Variants in IFT52 observed in about 807,000 individuals in gnomAD.
IFT52 encodes the protein intraflagellar transport protein 52 homolog.
In IFT52, 44 loss-of-function variants were observed where a neutral mutation model predicts 54.4. That is an observed-to-expected ratio of 0.81 (90% CI 0.63 to 1.04). The LOEUF (loss-of-function observed/expected upper bound fraction) is 1.04. IFT52 is among the 50% of genes least tolerant of loss of function. The probability of loss-of-function intolerance (pLI) is 0.00; values close to 1 mark genes in which losing one functional copy is unlikely to be tolerated. For missense variants in IFT52, 452 were observed against 523.6 expected, an observed-to-expected ratio of 0.86 and a Z score of 1.33; for synonymous variants, 181 against 185.3, an observed-to-expected ratio of 0.98 and a Z score of 0.19.
intron 6 of IFT52, 132 bp from the exon 7 acceptor site, chr20:43,613,718 C>T: frequency 2.4e-6 from 2 of 839,252 alleles, no homozygotes; most frequent in Non-Finnish European, 3.8e-6. Flanking sequence ...GATCGCACCA[C>T]TGCACTGCAG....
At chr20:43,607,251 C>T (rs1264885817) in intron 6 of IFT52, among the ~76,000 whole-genome samples, 28 of 146,182 alleles carry the variant, frequency 1.9e-4, no homozygotes, top group Admixed American at 4.1e-4. Flanking sequence ...GGCGGCTGGC[C>T]GGGCGGGGGG....
At chr20:43,617,302 C>T (rs966797221) in intron 7 of IFT52, among the ~76,000 whole-genome samples, 1 of 152,234 alleles carries the variant, frequency 6.6e-6, no homozygotes, top group Middle Eastern at 3.4e-3. Flanking sequence ...ATTCGACTAG[C>T]GCTGTTTATA....
rs1241073036 is a variant in IFT52, at chr20:43,624,136, A to G, written c.923+91A>G. On this transcript the variant is annotated intron_variant, in intron 10 of 13. Transcript: ENST00000373030. ...ACCTGGGAACGGGAATTAGGGTCACAGTAAATGTGGCATGCAGAACATGTT... is the reference window on the plus strand; with the variant it reads ...ACCTGGGAACGGGAATTAGGGTCACGGTAAATGTGGCATGCAGAACATGTT... The G allele has an allele frequency of 9.0e-6, 12 of 1,333,082 alleles. No homozygotes were observed. The East Asian group carries it at 1.6e-4, about 18-fold the overall frequency. 82.6% of individuals were successfully genotyped at this position (1,333,082 alleles called of 1,614,324 possible).
At chr20:43,626,022 GAAAAA>G (rs11403788) in intron 10 of IFT52, among the ~76,000 whole-genome samples, 5 of 96,688 alleles carry the variant, frequency 5.2e-5, no homozygotes, top group Non-Finnish European at 9.6e-5. Flanking sequence ...CTTGTCTCCG[GAAAAA>G]AAAAAAAAAA....
At chr20:43,640,980 G>T (rs191598990) in intron 12 of IFT52, among the ~76,000 whole-genome samples, 173 of 141,168 alleles carry the variant, frequency 1.2e-3, no homozygotes, top group Non-Finnish European at 1.8e-3. Context: ...GCAGTGAGCT[G>T]AAATCATGCC....
Position 43,635,926 on chromosome 20 carries a change from G to A in IFT52, c.924G>A (p.Glu308=), listed in dbSNP as rs1291959112. 1.2e-6 allele frequency: 2 copies of A among 1,613,850 alleles called. No homozygotes were observed. The highest frequency in any genetic ancestry group is 2.2e-5 in the East Asian group (1 of 44,886). ...LDTTSFHSVI[E]AHEQLNVKHE... ...CTTTTTTGTTTGATTATGAACACAGGGCTCACGAGCAGCTAAATGTGAAAC... is the reference window on the plus strand; with the variant it reads ...CTTTTTTGTTTGATTATGAACACAGAGCTCACGAGCAGCTAAATGTGAAAC... Residue 308 remains glutamate (E), a splice_region_variant and synonymous_variant, in exon 11 of 14, where the codon GAG becomes GAA. Transcript: ENST00000373030.
At chr20:43,611,214 C>G (rs1476765528) in intron 6 of IFT52, among the ~76,000 whole-genome samples, 1 of 152,002 alleles carries the variant, frequency 6.6e-6, no homozygotes, top group African/African-American at 2.4e-5. Flanking sequence ...CCTGTTATGT[C>G]CCTTCTCCCT....
rs754007042 is a variant in IFT52, at chr20:43,623,939, A to G, written c.817A>G (p.Asn273Asp). 3.1e-6 allele frequency: 5 copies of G among 1,614,070 alleles called. No individual in the cohort carries two copies. In the African/African-American group the frequency reaches 6.7e-5, roughly 22 times the overall value. ...CTACACAGCCACCCTATCAAAGCGGAATCGAGAGTGTCTCCAGGAGAGTGA... is the reference window on the plus strand; with the variant it reads ...CTACACAGCCACCCTATCAAAGCGGGATCGAGAGTGTCTCCAGGAGAGTGA... ...LPYTATLSKR[N>D]RECLQESDEI... The change falls in exon 10 of 14, where the codon AAT becomes GAT. Residue 273 changes from asparagine to aspartate, a missense_variant. By Grantham distance (23) the Asn-to-Asp change is conservative. Coordinates refer to ENST00000373030, the MANE Select transcript of IFT52 (RefSeq NM_016004.5).
intron 5 of IFT52, 104 bp downstream of exon 5, chr20:43,604,362 G>A: frequency 2.5e-6 from 2 of 789,212 alleles, no homozygotes; most frequent in Non-Finnish European, 4.2e-6. Context: ...TTGAGGTCAG[G>A]AGTTCCAAAC....
At chr20:43,642,318 T>G in intron 12 of IFT52, 161 bp from the exon 13 acceptor site, 1 of 630,596 alleles carries the variant, frequency 1.6e-6, no homozygotes, top group East Asian at 2.8e-5. Flanking sequence ...AGCTCTAGGG[T>G]TTTTCAGTGT....
intron 10 of IFT52, among the ~76,000 whole-genome samples, chr20:43,625,162 A>T (rs896094906): frequency 6.6e-6 from 1 of 152,152 alleles, no homozygotes; most frequent in Non-Finnish European, 1.5e-5. Context: ...GAAGATGATT[A>T]CATACGTCAA....
intron 9 of IFT52, among the ~76,000 whole-genome samples, chr20:43,622,596 C>T (rs1300689944): frequency 6.7e-6 from 1 of 148,800 alleles, no homozygotes; most frequent in African/African-American, 2.4e-5. Context: ...GAGCGAGACT[C>T]GTCTCAAAAA....
intron 1 of IFT52, among the ~76,000 whole-genome samples, chr20:43,592,090 C>T (rs1032380166): frequency 6.6e-6 from 1 of 152,172 alleles, no homozygotes; most frequent in Non-Finnish European, 1.5e-5. Context: ...CGAGGTGGCT[C>T]ACACCTGTAA....
chr20:43,617,663 C>T (rs962915007), intron 7 of IFT52, among the ~76,000 whole-genome samples: 10 of 152,140 alleles, frequency 6.6e-5, no homozygotes, highest in Non-Finnish European at 1.3e-4. Context: ...AGCCTGGTCT[C>T]GAACTCCTGG....
chr20:43,602,034 C>T (rs896409075), intron 3 of IFT52, among the ~76,000 whole-genome samples: 4 of 152,056 alleles, frequency 2.6e-5, no homozygotes, highest in Non-Finnish European at 5.9e-5. Context: ...CACAAATGGA[C>T]CATCTACCAA....
chr20:43,604,304 C>A, intron 5 of IFT52, 46 bp downstream of exon 5: 1 of 1,378,926 alleles, frequency 7.3e-7, no homozygotes, highest in Non-Finnish European at 1.0e-6. Context: ...CATCGTCGCT[C>A]ACACCTGTAA....
intron 9 of IFT52, among the ~76,000 whole-genome samples, chr20:43,623,152 A>G (rs1984467195): frequency 6.6e-6 from 1 of 152,152 alleles, no homozygotes; most frequent in African/African-American, 2.4e-5. Flanking sequence ...CTAAAATAGA[A>G]AATAAGGTCA....
intron 3 of IFT52, among the ~76,000 whole-genome samples, chr20:43,600,560 T>C (rs953771252): frequency 6.6e-6 from 1 of 152,136 alleles, no homozygotes; most frequent in African/African-American, 2.4e-5. Context: ...CGCCTTGGCC[T>C]CTGGTAAAGT....
chr20:43,596,518 C>T lies in IFT52; in HGVS notation c.203C>T (p.Ala68Val), dbSNP rs1981973349. 6.3e-7 allele frequency: 1 copy of T among 1,585,742 alleles called. No homozygotes were observed. Among genetic ancestry groups the T allele is most frequent in the African/African-American group, 1.3e-5 (1 of 74,350 alleles). Residue 68 changes from alanine (A) to valine (V), a missense_variant, in exon 3 of 14, where the codon GCT becomes GTT. Transcript: ENST00000373030. ...GGGCCAAGGGAAAAATTTACTGCAG[C>T]TGAGGTAAGAAATATCCACTAAAGA... is the stretch of plus-strand genomic sequence containing the variant. ...TAGPREKFTA[A>V]EFEILKKYLD... is the part of the protein sequence containing the mutation.
Sources: gnomAD v4.1 joint callset for allele counts (sites outside exome capture counted in the v4.1 genomes callset) on GRCh38, gnomAD v4.1.1 for gene constraint, MANE v1.5 for transcripts, NCBI Gene and HGNC (gene_info 2026-07-23, HGNC 2026-07-21) for gene names.